DENND6A: variants seen among roughly 807,000 people sequenced by gnomAD.
The protein encoded by DENND6A is protein DENND6A.
In DENND6A, 43 loss-of-function variants were observed where a neutral mutation model predicts 95.5. The observed-to-expected ratio is 0.45, with a 90% confidence interval of 0.35 to 0.58. DENND6A has a LOEUF of 0.58. Among genes scored for constraint, DENND6A ranks in the 20% least tolerant of loss-of-function variants. The pLI, the probability that DENND6A is intolerant of heterozygous loss-of-function variation, is 0.00. For missense variants in DENND6A, 574 were observed against 736.0 expected, an observed-to-expected ratio of 0.78 and a Z score of 2.55; for synonymous variants, 257 against 260.4, an observed-to-expected ratio of 0.99 and a Z score of 0.13.
intron 3 of DENND6A, among the ~76,000 whole-genome samples, chr3:57,670,571 T>C (rs1218136756): frequency 2.0e-5 from 3 of 152,194 alleles, no homozygotes; most frequent in Non-Finnish European, 4.4e-5. Flanking sequence ...AGGGAAGGGG[T>C]GACACCTTCA....
At chr3:57,691,559 A>G (rs2077264830) in intron 1 of DENND6A, among the ~76,000 whole-genome samples, 1 of 151,668 alleles carries the variant, frequency 6.6e-6, no homozygotes, top group African/African-American at 2.4e-5. Context: ...TCCAGAAGGC[A>G]GGCCGAATAC....
chr3:57,661,468 C>A lies in DENND6A; in HGVS notation c.597G>T (p.Lys199Asn). The A allele has an allele frequency of 6.4e-7, 1 of 1,572,532 alleles. No homozygotes were observed. Among genetic ancestry groups the A allele is most frequent in the Non-Finnish European group, 8.5e-7 (1 of 1,169,766 alleles). Reference protein sequence around the residue: ...LKQIAPEYFEKNEPYLEAACN... With the variant: ...LKQIAPEYFENNEPYLEAACN... ...TACCTGCTTCCAAATAAGGTTCATT[C>A]TTTTCAAAATACTCTGGTGCTATCT... The change falls in exon 6 of 20, where the codon AAG becomes AAT. Residue 199 changes from lysine to asparagine, a missense_variant. Physicochemically the swap from Lys to Asn is moderately conservative, Grantham distance 94 (BLOSUM62 0). Coordinates refer to ENST00000311128, the MANE Select transcript of DENND6A (RefSeq NM_152678.3).
At chr3:57,681,542 T>C (rs557043137) in intron 1 of DENND6A, among the ~76,000 whole-genome samples, 20 of 151,048 alleles carry the variant, frequency 1.3e-4, no homozygotes, top group African/African-American at 4.9e-4. Context: ...GAGGGTTGCT[T>C]GAGCCCAGGA....
intron 19 of DENND6A, 36 bp downstream of exon 19, chr3:57,628,775 A>G (rs951087166): frequency 5.7e-6 from 9 of 1,592,014 alleles, no homozygotes; most frequent in Non-Finnish European, 7.7e-6. Flanking sequence ...CTTCAAAGAA[A>G]AGTCAATTTA....
chr3:57,683,375 A>C (rs2077183321), intron 1 of DENND6A, among the ~76,000 whole-genome samples: 1 of 152,182 alleles, frequency 6.6e-6, no homozygotes, highest in Admixed American at 6.5e-5. Flanking sequence ...ATACACTAGA[A>C]ATGAGAACTA....
intron 12 of DENND6A, among the ~76,000 whole-genome samples, chr3:57,636,598 T>C (rs557181023): frequency 2.0e-5 from 3 of 152,180 alleles, no homozygotes; most frequent in South Asian, 4.2e-4. Flanking sequence ...AAGAAAATTA[T>C]TGAGGATTCC....
intron 1 of DENND6A, among the ~76,000 whole-genome samples, chr3:57,688,097 G>A (rs1240524370): frequency 6.6e-6 from 1 of 151,884 alleles, no homozygotes; most frequent in African/African-American, 2.4e-5. Context: ...CCGGGTTCAA[G>A]CGATTCTCCT....
At chr3:57,689,183 G>C (rs943443726) in intron 1 of DENND6A, among the ~76,000 whole-genome samples, 1 of 151,922 alleles carries the variant, frequency 6.6e-6, no homozygotes, top group Non-Finnish European at 1.5e-5. Context: ...TCGATCTCTT[G>C]ACCTCGTGAT....
intron 9 of DENND6A, among the ~76,000 whole-genome samples, chr3:57,649,365 T>G (rs1195879149): frequency 6.6e-6 from 1 of 152,072 alleles, no homozygotes; most frequent in Non-Finnish European, 1.5e-5. Context: ...TAAATGTTGG[T>G]GTGGATGTGG....
chr3:57,637,043 A>G (rs1470325545), intron 12 of DENND6A, among the ~76,000 whole-genome samples: 1 of 152,178 alleles, frequency 6.6e-6, no homozygotes, highest in African/African-American at 2.4e-5. Flanking sequence ...AGTTGCAGAT[A>G]ATGGTAAGGA....
rs1275104387 is a variant in DENND6A at position 57,692,815 on chromosome 3, C to T, written c.204G>A (p.Val68=). The change falls in exon 1 of 20, where the codon GTG becomes GTA. Residue 68 remains valine, a synonymous_variant. Coordinates refer to ENST00000311128, the MANE Select transcript of DENND6A (RefSeq NM_152678.3). ...CCTGGCCCAGCTCCAGGTCGAAGCC[C>T]ACCACACACACGCAGTGCAGCCAGG... is the stretch of plus-strand genomic sequence containing the variant. ...FSAWLHCVCV[V]GFDLELGQAV... The T allele has an allele frequency of 7.6e-6, 12 of 1,569,426 alleles. No homozygotes were observed. The highest frequency in any genetic ancestry group is 9.5e-6 in the Non-Finnish European group (11 of 1,161,990).
intron 1 of DENND6A, among the ~76,000 whole-genome samples, chr3:57,679,330 C>A (rs997368218): frequency 2.0e-5 from 3 of 152,222 alleles, no homozygotes; most frequent in African/African-American, 4.8e-5. Flanking sequence ...AGGCAACAGA[C>A]AAAATATTAG....
At position 57,693,024 on chromosome 3, in the gene DENND6A, G is replaced by C; in HGVS notation, c.-6C>G. The stretch of plus-strand genomic sequence containing the variant: ...GCAGGGCCCCTCAAAGCCATCGGCC[G>C]CCCCCTGACCGTTCGCGCCGCCTCC... On this transcript the variant is annotated 5_prime_UTR_variant, in exon 1 of 20. Coordinates refer to ENST00000311128, the MANE Select transcript of DENND6A (RefSeq NM_152678.3). The C allele has an allele frequency of 7.0e-7, 1 of 1,421,128 alleles. No individual in the cohort carries two copies. Among genetic ancestry groups the C allele is most frequent in the Non-Finnish European group, 9.1e-7 (1 of 1,099,024 alleles). The allele number at this position is 1,421,128 out of a possible 1,614,324, so 88.0% of individuals were successfully genotyped here.
chr3:57,643,006 CAAAA>C (rs35913249), intron 11 of DENND6A, among the ~76,000 whole-genome samples: 1 of 104,564 alleles, frequency 9.6e-6, no homozygotes, highest in African/African-American at 4.1e-5. Context: ...GACTTCATCT[CAAAA>C]AAAAAAAAAA....
chr3:57,659,316 A>C, intron 7 of DENND6A, 136 bp from the exon 8 acceptor site: 1 of 808,440 alleles, frequency 1.2e-6, no homozygotes, highest in Non-Finnish European at 2.0e-6. Context: ...CAGAGTTAAA[A>C]ACTAAGGTCA....
intron 1 of DENND6A, among the ~76,000 whole-genome samples, chr3:57,690,877 G>C (rs1237689784): frequency 1.3e-5 from 2 of 152,076 alleles, no homozygotes; most frequent in Non-Finnish European, 2.9e-5. Flanking sequence ...CCACATACAT[G>C]ATTTCATCTT....
intron 8 of DENND6A, 149 bp downstream of exon 8, chr3:57,658,969 T>C (rs2071376886): frequency 3.0e-6 from 2 of 660,604 alleles, no homozygotes; most frequent in Admixed American, 3.2e-5. Context: ...GAAAATATAT[T>C]ACCAATTCAT....
intron 12 of DENND6A, among the ~76,000 whole-genome samples, chr3:57,639,023 A>T (rs542319110): frequency 6.6e-6 from 1 of 152,168 alleles, no homozygotes; most frequent in Non-Finnish European, 1.5e-5. Context: ...ACTTGGGCCC[A>T]GGAGTTCAAG....
chr3:57,671,676 A>C (rs2153416386), intron 3 of DENND6A, among the ~76,000 whole-genome samples: 1 of 152,380 alleles, frequency 6.6e-6, no homozygotes, highest in African/African-American at 2.4e-5. Context: ...CACAAGAGGT[A>C]ACCTGAAGGA....
Sources: allele counts gnomAD v4.1 joint callset (sites outside exome capture counted in the v4.1 genomes callset), GRCh38; gene constraint gnomAD v4.1.1; transcripts MANE v1.5; gene names NCBI Gene and HGNC (gene_info 2026-07-23, HGNC 2026-07-21).